Variants in MYO3B observed in about 807,000 individuals in gnomAD.
The protein encoded by MYO3B is myosin-IIIb.
Under a neutral mutation model 174.6 loss-of-function variants are expected in MYO3B, and 156 were observed. The observed-to-expected ratio is 0.89, with a 90% CI of 0.78 to 1.02. The LOEUF (loss-of-function observed/expected upper bound fraction) is 1.02, where lower values mean the gene tolerates loss of function less well. Among genes scored for constraint, MYO3B ranks in the 50% least tolerant of loss-of-function variants. The pLI is 0.00. For missense variants in MYO3B, 1,632 were observed against 1,639.4 expected, an observed-to-expected ratio of 1.00 and a Z score of 0.08; for synonymous variants, 563 against 569.1, an observed-to-expected ratio of 0.99 and a Z score of 0.15.
At chr2:170,358,163 A>AC (rs2094136811) in intron 8 of MYO3B, among the ~76,000 whole-genome samples, 1 of 151,902 alleles carries the variant, frequency 6.6e-6, no homozygotes, top group Non-Finnish European at 1.5e-5. Context: ...AAAAAAAAAA[A>AC]CAAAAAAACA....
intron 32 of MYO3B, among the ~76,000 whole-genome samples, chr2:170,578,107 G>A (rs1692902668): frequency 1.3e-5 from 2 of 152,280 alleles, no homozygotes; most frequent in Admixed American, 1.3e-4. Context: ...CTTATGTTTG[G>A]CTGGTCCCCA....
intron 7 of MYO3B, among the ~76,000 whole-genome samples, chr2:170,256,616 C>T (rs2093306792): frequency 6.6e-6 from 1 of 152,082 alleles, no homozygotes; most frequent in Admixed American, 6.5e-5. Context: ...TAGCCTGCTA[C>T]CACAAAAATA....
Position 170,230,365 on chromosome 2 carries a change from T to A in MYO3B, c.604-5626T>A, listed in dbSNP as rs11692139. Among the ~76,000 whole-genome samples, 811 of 140,852 alleles carry A rather than the reference T, an allele frequency of 5.8e-3. 27 individuals carry two copies. The highest frequency in any genetic ancestry group is 0.022 in the African/African-American group (772 of 34,614). 92.4% of individuals were successfully genotyped at this position (140,852 alleles called of 152,430 possible). On this transcript the variant is annotated intron_variant, in intron 6 of 34. Transcript: ENST00000408978. ...TTTTTTTTTTTTTTTTTTTTTTTAG[T>A]AGAGACGGGGTTTCACCATGTTGGT...
At chr2:170,621,340 A>C (rs1405568438) in intron 32 of MYO3B, among the ~76,000 whole-genome samples, 1 of 152,184 alleles carries the variant, frequency 6.6e-6, no homozygotes, top group African/African-American at 2.4e-5. Flanking sequence ...TCTGGTACAT[A>C]GTAAGGGCTC....
At chr2:170,480,917 C>T (rs1327121228) in intron 25 of MYO3B, among the ~76,000 whole-genome samples, 3 of 152,198 alleles carry the variant, frequency 2.0e-5, no homozygotes, top group East Asian at 1.9e-4. Context: ...CTTTAACTCT[C>T]GCAAAGTGAA....
At chr2:170,636,319 A>T (rs1697469003) in intron 32 of MYO3B, among the ~76,000 whole-genome samples, 1 of 152,078 alleles carries the variant, frequency 6.6e-6, no homozygotes, top group African/African-American at 2.4e-5. Flanking sequence ...AAGATAACCT[A>T]ACTTCCAAGG....
At chr2:170,627,665 T>TC (rs1696568493) in intron 32 of MYO3B, among the ~76,000 whole-genome samples, 1 of 152,244 alleles carries the variant, frequency 6.6e-6, no homozygotes, top group African/African-American at 2.4e-5. Flanking sequence ...TTCTGTTTTT[T>TC]CCCCATCTTT....
Position 170,464,696 on chromosome 2 carries a change from T to A in MYO3B, c.2808+1251T>A, listed in dbSNP as rs577489511. Among the ~76,000 whole-genome samples the A allele has an allele frequency of 1.4e-4, 21 of 152,298 alleles. No homozygotes were observed. In the East Asian group the frequency reaches 3.5e-3, roughly 25 times the overall value. ...CCATGCATTGAGTCGTGCTATAGCA[T>A]CTGTGGAAGGTGGGCCCCTGCCTCA... On this transcript the variant is annotated intron_variant, in intron 24 of 34. Transcript: ENST00000408978.
intron 32 of MYO3B, among the ~76,000 whole-genome samples, chr2:170,592,825 C>T (rs180910691): frequency 8.2e-4 from 125 of 152,244 alleles, no homozygotes; most frequent in African/African-American, 2.8e-3. Context: ...CCATCTCTTA[C>T]ATCTCTTTCT....
intron 32 of MYO3B, among the ~76,000 whole-genome samples, chr2:170,559,012 A>G (rs1691534867): frequency 1.3e-5 from 2 of 152,248 alleles, no homozygotes; most frequent in South Asian, 4.1e-4. Context: ...TGTTACTCAT[A>G]GGAATATTTC....
intron 3 of MYO3B, among the ~76,000 whole-genome samples, chr2:170,203,684 G>A (rs1249404919): frequency 6.6e-6 from 1 of 152,136 alleles, no homozygotes; most frequent in African/African-American, 2.4e-5. Context: ...AGTTTATCAG[G>A]TTAACAAATC....
At chr2:170,383,606 C>CA in intron 11 of MYO3B, 104 bp from the exon 12 acceptor site, 2 of 847,404 alleles carry the variant, frequency 2.4e-6, no homozygotes, top group Non-Finnish European at 3.9e-6. Context: ...CTTCCTAATG[C>CA]AACAAGTACC....
chr2:170,590,559 A>G (rs1246658466), intron 32 of MYO3B, among the ~76,000 whole-genome samples: 1 of 150,736 alleles, frequency 6.6e-6, no homozygotes, highest in African/African-American at 2.4e-5. Flanking sequence ...TTCCTTGCCC[A>G]TTACCAGAAG....
At chr2:170,445,650 T>C (rs554416467) in intron 23 of MYO3B, among the ~76,000 whole-genome samples, 1 of 152,210 alleles carries the variant, frequency 6.6e-6, no homozygotes, top group African/African-American at 2.4e-5. Flanking sequence ...CATTTTTTTT[T>C]TTAGACAAGT....
intron 6 of MYO3B, among the ~76,000 whole-genome samples, chr2:170,224,343 G>C (rs895447420): frequency 6.6e-6 from 1 of 152,178 alleles, no homozygotes; most frequent in South Asian, 2.1e-4. Context: ...TGGCTTTTCA[G>C]AGAGCATGGG....
chr2:170,228,298 T>C (rs1023147381), intron 6 of MYO3B, among the ~76,000 whole-genome samples: 1 of 152,196 alleles, frequency 6.6e-6, no homozygotes, highest in Admixed American at 6.5e-5. Context: ...ACAAATCAAC[T>C]GACTCTCCCC....
At chr2:170,490,229 C>T (rs1303411386) in intron 25 of MYO3B, among the ~76,000 whole-genome samples, 1 of 152,048 alleles carries the variant, frequency 6.6e-6, no homozygotes, top group Non-Finnish European at 1.5e-5. Flanking sequence ...GGGGTTTCAC[C>T]ATGTTAGCCA....
chr2:170,394,067 A>G (rs2094430806), intron 16 of MYO3B, among the ~76,000 whole-genome samples: 1 of 152,198 alleles, frequency 6.6e-6, no homozygotes, highest in African/African-American at 2.4e-5. Flanking sequence ...GGAACCATAG[A>G]GAAGTCAAGG....
chr2:170,544,031 CA>C, intron 32 of MYO3B, 43 bp downstream of exon 32: 1 of 1,440,642 alleles, frequency 6.9e-7, no homozygotes, highest in Non-Finnish European at 9.7e-7. Context: ...CTACCATTTG[CA>C]TGTTTGTGTA....
Sources: gnomAD v4.1 joint callset for allele counts (sites outside exome capture counted in the v4.1 genomes callset) on GRCh38, gnomAD v4.1.1 for gene constraint, MANE v1.5 for transcripts, NCBI Gene and HGNC (gene_info 2026-07-23, HGNC 2026-07-21) for gene names.